TEX26: variants seen among roughly 807,000 people sequenced by gnomAD.
The protein encoded by TEX26 is testis-expressed protein 26.
TEX26 carries 34 observed loss-of-function variants against 35.3 expected under a neutral mutation model. The ratio of observed to expected loss-of-function variants is 0.96; its 90% CI spans 0.73 to 1.28. The LOEUF is 1.28. Ranked by LOEUF, TEX26 falls within the 50% of genes most tolerant of loss-of-function variation. The probability of loss-of-function intolerance (pLI) is 0.00; values close to 1 mark genes in which losing one functional copy is unlikely to be tolerated. For synonymous variants in TEX26, 136 were observed against 111.8 expected, an observed-to-expected ratio of 1.22 and a Z score of -1.36; for missense variants, 371 against 330.1, an observed-to-expected ratio of 1.12 and a Z score of -0.96.
chr13:30,956,063 G>A (rs962476194), intron 3 of TEX26, among the ~76,000 whole-genome samples: 3 of 151,782 alleles, frequency 2.0e-5, no homozygotes, highest in Admixed American at 6.6e-5. Flanking sequence ...TGTGCACAAC[G>A]TGCAAGTTTG....
At chr13:30,966,836 G>A (rs959269898) in intron 5 of TEX26, among the ~76,000 whole-genome samples, 1 of 152,300 alleles carries the variant, frequency 6.6e-6, no homozygotes, top group South Asian at 2.1e-4. Flanking sequence ...TTTGGTAATA[G>A]TCATGGAGAA....
At chr13:30,965,977 C>T (rs1566165143) in intron 4 of TEX26, among the ~76,000 whole-genome samples, 1 of 152,194 alleles carries the variant, frequency 6.6e-6, no homozygotes, top group East Asian at 1.9e-4. Context: ...ACCAGACAGA[C>T]CCAGTGGAGT....
In TEX26 at chr13:30,966,071, T is replaced by C. The variant is rs752563751; in HGVS notation, c.470-151T>C. The C allele has an allele frequency of 4.0e-5, 30 of 752,104 alleles. No individual in the cohort carries two copies. The Middle Eastern group carries it at 2.1e-3, about 52-fold the overall frequency. The allele number at this position is 752,104 out of a possible 1,614,324, so 46.6% of individuals were successfully genotyped here. ...GACCACTTCTGATCATTTGAGTATATACTTCCTGTGACTGACAAAGCAGAA... is the reference window on the plus strand; with the variant it reads ...GACCACTTCTGATCATTTGAGTATACACTTCCTGTGACTGACAAAGCAGAA... On this transcript the variant is annotated intron_variant, in intron 4 of 6. Transcript: ENST00000380473.
rs1034416719 is a variant in TEX26 at position 30,975,118 on chromosome 13, T to G, written c.*211T>G. 34 of 367,630 alleles carry G rather than the reference T, an allele frequency of 9.2e-5. No homozygotes were observed. Among genetic ancestry groups the G allele is most frequent in the African/African-American group, 5.9e-4 (28 of 47,510 alleles). The allele number at this position is 367,630 out of a possible 1,614,324, so 22.8% of individuals were successfully genotyped here. On this transcript the variant is annotated 3_prime_UTR_variant, in exon 7 of 7. Coordinates refer to ENST00000380473, the MANE Select transcript of TEX26 (RefSeq NM_152325.3). ...TTCCCTGAACATAGCTTTAGCTGTA[T>G]CCAATAGTTTTTGATACAATGTTTT...
chr13:30,957,074 C>CGACCA, intron 4 of TEX26, 45 bp downstream of exon 4: 1 of 1,589,634 alleles, frequency 6.3e-7, no homozygotes, highest in Non-Finnish European at 8.6e-7. Flanking sequence ...ATGTGGTAGG[C>CGACCA]CCTGGAGTTG....
intron 4 of TEX26, among the ~76,000 whole-genome samples, chr13:30,959,046 G>A (rs1414858774): frequency 6.6e-6 from 1 of 152,160 alleles, no homozygotes; most frequent in African/African-American, 2.4e-5. Context: ...TGGTGTCTAG[G>A]ATTTGAACCC....
chr13:30,964,176 T>C (rs887725305), intron 4 of TEX26, among the ~76,000 whole-genome samples: 2 of 152,218 alleles, frequency 1.3e-5, no homozygotes, highest in African/African-American at 4.8e-5. Flanking sequence ...TAGCACCCTA[T>C]TCAAAGCTCT....
chr13:30,957,747 G>A (rs1385130104), intron 4 of TEX26, among the ~76,000 whole-genome samples: 1 of 152,232 alleles, frequency 6.6e-6, no homozygotes, highest in African/African-American at 2.4e-5. Flanking sequence ...TTCCAGGGTA[G>A]GGGCTGTGGC....
At chr13:30,956,190 G>A (rs557961181) in intron 3 of TEX26, among the ~76,000 whole-genome samples, 27 of 103,090 alleles carry the variant, frequency 2.6e-4, no homozygotes, top group Admixed American at 5.7e-4. Flanking sequence ...AACAGGCCCC[G>A]GTGTGTGATG....
intron 4 of TEX26, among the ~76,000 whole-genome samples, chr13:30,962,662 T>C (rs1201464067): frequency 6.6e-6 from 1 of 152,232 alleles, no homozygotes; most frequent in Non-Finnish European, 1.5e-5. Context: ...CATTATGGAA[T>C]TAAGGTAAAC....
chr13:30,935,381 G>C (rs1187459758), intron 1 of TEX26, among the ~76,000 whole-genome samples: 1 of 152,370 alleles, frequency 6.6e-6, no homozygotes, highest in South Asian at 2.1e-4. Context: ...GCCTCCTCCA[G>C]CCTGCGCATG....
At chr13:30,950,708 AC>A (rs142523574) in intron 2 of TEX26, among the ~76,000 whole-genome samples, 1,706 of 152,212 alleles carry the variant, frequency 0.011, 37 homozygotes, top group African/African-American at 0.039. Flanking sequence ...GTATAGCACA[AC>A]CCTTCACTCT....
chr13:30,941,243 A>T (rs1374308910), intron 2 of TEX26, among the ~76,000 whole-genome samples: 1 of 152,204 alleles, frequency 6.6e-6, no homozygotes, highest in East Asian at 1.9e-4. Flanking sequence ...TATGTGATAG[A>T]TTTCCAAAAA....
intron 2 of TEX26, among the ~76,000 whole-genome samples, chr13:30,941,225 C>T (rs1953497337): frequency 6.6e-6 from 1 of 152,104 alleles, no homozygotes; most frequent in Non-Finnish European, 1.5e-5. Flanking sequence ...TCATTTTTCC[C>T]ACCATAGTAT....
chr13:30,937,295 G>A (rs537909962), intron 1 of TEX26, among the ~76,000 whole-genome samples: 31 of 152,302 alleles, frequency 2.0e-4, no homozygotes, highest in African/African-American at 6.7e-4. Flanking sequence ...GGGGCGTGTC[G>A]TGCTTGCCCA....
At chr13:30,967,849 C>G (rs1272516397) in intron 5 of TEX26, among the ~76,000 whole-genome samples, 1 of 152,024 alleles carries the variant, frequency 6.6e-6, no homozygotes, top group Non-Finnish European at 1.5e-5. Flanking sequence ...CACCTCAGAC[C>G]CCCATTAGTC....
At chr13:30,962,603 A>T (rs1954386371) in intron 4 of TEX26, among the ~76,000 whole-genome samples, 1 of 152,190 alleles carries the variant, frequency 6.6e-6, no homozygotes, top group Non-Finnish European at 1.5e-5. Context: ...TGATATTGTA[A>T]TAATCTAAGC....
chr13:30,934,384 T>A (rs1311956268), intron 1 of TEX26, among the ~76,000 whole-genome samples: 1 of 152,246 alleles, frequency 6.6e-6, no homozygotes, highest in East Asian at 1.9e-4. Flanking sequence ...TGGTGACTGA[T>A]GACTAACTGT....
chr13:30,935,392 G>A (rs1953235752), intron 1 of TEX26, among the ~76,000 whole-genome samples: 1 of 152,244 alleles, frequency 6.6e-6, no homozygotes, highest in Non-Finnish European at 1.5e-5. Context: ...CCTGCGCATG[G>A]CCACCCATGG....
Sources: allele counts gnomAD v4.1 joint callset (sites outside exome capture counted in the v4.1 genomes callset), GRCh38; gene constraint gnomAD v4.1.1; transcripts MANE v1.5; gene names NCBI Gene and HGNC (gene_info 2026-07-23, HGNC 2026-07-21).